KCNG3: variants seen among roughly 807,000 people sequenced by gnomAD.
The protein encoded by KCNG3 is voltage-gated potassium channel regulatory subunit KCNG3.
A neutral mutation model predicts 29.0 loss-of-function variants in KCNG3; 15 were observed. The observed-to-expected ratio is 0.52, with a 90% CI of 0.35 to 0.80. The LOEUF (loss-of-function observed/expected upper bound fraction) is 0.80, where lower values mean the gene tolerates loss of function less well. Among genes scored for constraint, KCNG3 ranks in the 30% least tolerant of loss-of-function variants. The pLI, the probability that KCNG3 is intolerant of heterozygous loss-of-function variation, is 0.01. For synonymous variants in KCNG3, 322 were observed against 248.9 expected (o/e 1.29, Z -2.76); for missense variants, 512 against 605.7 (o/e 0.85, Z 1.62).
chr2:42,455,698 G>T (rs1024678691), intron 1 of KCNG3, among the ~76,000 whole-genome samples: 1 of 152,100 alleles, frequency 6.6e-6, no homozygotes, highest in Non-Finnish European at 1.5e-5. Flanking sequence ...GGGCCCAGGA[G>T]CTTGGGGCTG....
intron 1 of KCNG3, among the ~76,000 whole-genome samples, chr2:42,446,442 G>A (rs892866151): frequency 6.6e-6 from 1 of 151,978 alleles, no homozygotes; most frequent in African/African-American, 2.4e-5. Context: ...ACCTCCCAAA[G>A]TGCTGGGATT....
At chr2:42,475,738 T>C (rs1673407927) in intron 1 of KCNG3, among the ~76,000 whole-genome samples, 1 of 151,822 alleles carries the variant, frequency 6.6e-6, no homozygotes, top group African/African-American at 2.4e-5. Flanking sequence ...ATGCAATTGA[T>C]CAAAACATGA....
At chr2:42,437,879 A>T (rs1208631623), downstream of KCNG3, among the ~76,000 whole-genome samples, 1 of 143,106 alleles carries the variant, frequency 7.0e-6, no homozygotes, top group East Asian at 2.2e-4. Flanking sequence ...TGGAGATTGT[A>T]GTGAGCTGAG....
At chr2:42,485,087 T>C (rs1364325133) in intron 1 of KCNG3, among the ~76,000 whole-genome samples, 1 of 152,214 alleles carries the variant, frequency 6.6e-6, no homozygotes, top group Admixed American at 6.5e-5. Context: ...AAATTTAAAT[T>C]TCCATCACCT....
At position 42,469,368 on chromosome 2, in the gene KCNG3, G is replaced by T. The variant is rs551079522; in HGVS notation, c.665+23469C>A. On this transcript the variant is annotated intron_variant, in intron 1 of 1. Coordinates refer to ENST00000306078, the MANE Select transcript of KCNG3 (RefSeq NM_133329.6). ...AGAGGCGGAGGTTGCAGAGAGCCAA[G>T]ATCAGGCCATTGCACACGAGCCCGG... 2.7e-3 allele frequency among the ~76,000 whole-genome samples: 396 copies of T among 147,372 alleles called. 1 individual carries two copies. Among genetic ancestry groups the T allele is most frequent in the African/African-American group, 9.1e-3 (361 of 39,630 alleles).
chr2:42,389,356 G>T, the KCNG3 span, among the ~76,000 whole-genome samples: 2 of 152,206 alleles, frequency 1.3e-5, no homozygotes, highest in Middle Eastern at 6.8e-3. Flanking sequence ...TGTTCCTATG[G>T]TCCCTAAATT....
the KCNG3 span, among the ~76,000 whole-genome samples, chr2:42,401,381 G>A: frequency 6.7e-6 from 1 of 150,184 alleles, no homozygotes; most frequent in Non-Finnish European, 1.5e-5. Flanking sequence ...TAGGAGAAAG[G>A]AGCTGAAATA....
At chr2:42,470,783 G>C (rs1673265629) in intron 1 of KCNG3, among the ~76,000 whole-genome samples, 2 of 152,006 alleles carry the variant, frequency 1.3e-5, no homozygotes, top group Admixed American at 1.3e-4. Flanking sequence ...GGCTGACATG[G>C]GAGGCTGAGG....
intron 1 of KCNG3, among the ~76,000 whole-genome samples, chr2:42,462,745 G>A (rs1300228782): frequency 6.6e-6 from 1 of 152,122 alleles, no homozygotes; most frequent in Non-Finnish European, 1.5e-5. Flanking sequence ...TACACACCAC[G>A]AAGCAATGAG....
Position 42,444,305 on chromosome 2 carries a change from A to C in KCNG3, c.940T>G (p.Leu314Val). Reference protein sequence around the residue: ...RHFIGLQTLGLTLKRCYREMV... With the variant: ...RHFIGLQTLGVTLKRCYREMV... ...TCTCGGTAGCAACGTTTGAGAGTCA[A>C]ACCGAGTGTCTGAAGACCAATGAAG... is the stretch of plus-strand genomic sequence containing the variant. Residue 314 changes from leucine to valine, a missense_variant, in exon 2 of 2, where the codon TTG (leucine) becomes GTG (valine). Leu to Val is a conservative substitution (Grantham distance 32). Coordinates refer to ENST00000306078, the MANE Select transcript of KCNG3 (RefSeq NM_133329.6). This position sits in a 1 kb window ranked among gnomAD's most constrained non-coding sequence, Gnocchi z 5.8. 1 of 1,614,228 alleles carries C rather than the reference A, an allele frequency of 6.2e-7. No individual in the cohort carries two copies. The highest frequency in any genetic ancestry group is 8.5e-7 in the Non-Finnish European group (1 of 1,180,042).
At position 42,444,549 on chromosome 2, in the gene KCNG3, G is replaced by A; in HGVS notation, c.696C>T (p.Phe232=). The A allele has an allele frequency of 6.2e-7, 1 of 1,613,628 alleles. No homozygotes were observed. The highest frequency in any genetic ancestry group is 8.5e-7 in the Non-Finnish European group (1 of 1,179,730). Residue 232 remains phenylalanine, a synonymous_variant, in exon 2 of 2, where the codon TTC becomes TTT. Transcript: ENST00000306078. The surrounding 1 kb of genome is among the most constrained non-coding windows in gnomAD (Gnocchi z 5.8). ...TGAACCTCACGATGCACTCGGCAGTGAACCAACCTATGCAGATAGCTTCAA... is the reference window on the plus strand; with the variant it reads ...TGAACCTCACGATGCACTCGGCAGTAAACCAACCTATGCAGATAGCTTCAA... The part of the protein sequence containing the change: ...GIIEAICIGW[F]TAECIVRFIV...
chr2:42,473,452 G>A (rs970004256), intron 1 of KCNG3, among the ~76,000 whole-genome samples: 3 of 149,710 alleles, frequency 2.0e-5, no homozygotes, highest in Non-Finnish European at 4.5e-5. Context: ...CAGGTTCAAG[G>A]GATTCTCCTG....
chr2:42,432,215 T>C, the KCNG3 span, among the ~76,000 whole-genome samples: 1 of 152,164 alleles, frequency 6.6e-6, no homozygotes, highest in Non-Finnish European at 1.5e-5. Context: ...TGCTCCTGTT[T>C]TGTGCACACA....
the KCNG3 span, among the ~76,000 whole-genome samples, chr2:42,418,670 G>A: frequency 6.6e-6 from 1 of 152,086 alleles, no homozygotes; most frequent in South Asian, 2.1e-4. Flanking sequence ...AGGGTTTTTT[G>A]TGGTTAAAAA....
intron 1 of KCNG3, among the ~76,000 whole-genome samples, chr2:42,479,661 GAAAGAAAAAT>G (rs1253513987): frequency 3.3e-4 from 49 of 146,846 alleles, no homozygotes; most frequent in African/African-American, 1.1e-3. Flanking sequence ...AAAAAAAAAA[GAAAGAAAAAT>G]AAAGAAAAAA....
intron 1 of KCNG3, among the ~76,000 whole-genome samples, chr2:42,477,384 T>TACACACACACACACACACACAC (rs1210187032): frequency 7.8e-5 from 8 of 101,920 alleles, no homozygotes; most frequent in East Asian, 8.0e-4. Flanking sequence ...CACACACATA[T>TACACACACACACACACACACAC]ATATACACAC....
chr2:42,393,548 G>C, the KCNG3 span, among the ~76,000 whole-genome samples: 1 of 151,782 alleles, frequency 6.6e-6, no homozygotes, highest in African/African-American at 2.4e-5. Flanking sequence ...GCAATAGAGT[G>C]AGACTCTGTC....
At chr2:42,428,113 T>C in the KCNG3 span, among the ~76,000 whole-genome samples, 73 of 152,218 alleles carry the variant, frequency 4.8e-4, no homozygotes, top group Admixed American at 3.1e-3. Context: ...TTCCTTAAAA[T>C]AGAAAGTATT....
intron 1 of KCNG3, among the ~76,000 whole-genome samples, chr2:42,482,909 C>T (rs962087035): frequency 1.3e-5 from 2 of 152,098 alleles, no homozygotes; most frequent in Non-Finnish European, 2.9e-5. Context: ...TCACTCAAGT[C>T]CAGGAGTTCA....
Sources: allele counts gnomAD v4.1 joint callset (sites outside exome capture counted in the v4.1 genomes callset), GRCh38; gene constraint gnomAD v4.1.1; non-coding constraint Gnocchi (gnomAD v3.1); transcripts MANE v1.5; gene names NCBI Gene and HGNC (gene_info 2026-07-23, HGNC 2026-07-21).